Variants in MTHFD2L observed in about 807,000 individuals in gnomAD.
MTHFD2L encodes the protein methylenetetrahydrofolate dehydrogenase (NADP+ dependent) 2 like, also known as bifunctional methylenetetrahydrofolate dehydrogenase/cyclohydrolase 2, mitochondrial.
Under a neutral mutation model 34.9 loss-of-function variants are expected in MTHFD2L, and 29 were observed. That is an observed-to-expected ratio of 0.83 (90% CI 0.62 to 1.13). The LOEUF (loss-of-function observed/expected upper bound fraction) is 1.13, where lower values mean the gene tolerates loss of function less well. Among genes scored for constraint, MTHFD2L ranks in the 50% most tolerant of loss-of-function variants. The pLI is 0.00. For missense variants in MTHFD2L, 481 were observed against 446.5 expected (o/e 1.08, Z -0.70); for synonymous variants, 167 against 155.7 (o/e 1.07, Z -0.54).
chr4:74,117,422 G>C (rs1721673655), intron 2 of MTHFD2L, among the ~76,000 whole-genome samples: 1 of 152,186 alleles, frequency 6.6e-6, no homozygotes, highest in African/African-American at 2.4e-5. Context: ...GGGTTTTCAG[G>C]CTGCAGGGTA....
At chr4:74,151,493 A>G (rs1723939184) in intron 1 of MTHFD2L, among the ~76,000 whole-genome samples, 1 of 152,188 alleles carries the variant, frequency 6.6e-6, no homozygotes, top group African/African-American at 2.4e-5. Context: ...GTTTCACACT[A>G]CCTGAGACTT....
intron 3 of MTHFD2L, among the ~76,000 whole-genome samples, chr4:74,177,297 A>C (rs1188456104): frequency 1.3e-5 from 2 of 151,984 alleles, no homozygotes; most frequent in African/African-American, 4.8e-5. Flanking sequence ...ACTCACTCAC[A>C]ATGAATCTCC....
At chr4:74,124,066 G>A (rs1486610050), upstream of MTHFD2L, among the ~76,000 whole-genome samples, 2 of 151,918 alleles carry the variant, frequency 1.3e-5, no homozygotes, top group Non-Finnish European at 2.9e-5. Flanking sequence ...GGGCACAGTT[G>A]GTTAATATTG....
chr4:74,255,136 C>CAAAAAAAAAA (rs34300013), intron 6 of MTHFD2L, among the ~76,000 whole-genome samples: 4 of 69,180 alleles, frequency 5.8e-5, no homozygotes, highest in Non-Finnish European at 7.3e-5. Flanking sequence ...ACTCCATCTC[C>CAAAAAAAAAA]AAAAAAAAAA....
At chr4:74,205,580 T>G (rs752423104) in intron 5 of MTHFD2L, among the ~76,000 whole-genome samples, 2 of 152,204 alleles carry the variant, frequency 1.3e-5, no homozygotes, top group Non-Finnish European at 2.9e-5. Flanking sequence ...TAGCTGTTTC[T>G]TGAGTATTTT....
chr4:74,211,892 C>A (rs1315987043), intron 5 of MTHFD2L, among the ~76,000 whole-genome samples: 1 of 151,892 alleles, frequency 6.6e-6, no homozygotes, highest in Non-Finnish European at 1.5e-5. Context: ...AGGGATTTGG[C>A]TTCTTCCTGG....
chr4:74,276,784 G>A lies in MTHFD2L; in HGVS notation c.806-4641G>A, dbSNP rs554437538. ...AAGTAGACTACTTAGTGTATTTAGCGTAACTAAAATAGAGATTTTGTATGT... is the reference window on the plus strand; with the variant it reads ...AAGTAGACTACTTAGTGTATTTAGCATAACTAAAATAGAGATTTTGTATGT... On this transcript the variant is annotated intron_variant, in intron 6 of 7. Transcript: ENST00000325278. Among the ~76,000 whole-genome samples the A allele has an allele frequency of 1.6e-4, 24 of 152,108 alleles. No individual in the cohort carries two copies. In the East Asian group the frequency reaches 1.9e-3, roughly 12 times the overall value.
chr4:74,247,251 G>T (rs1319000332), intron 6 of MTHFD2L, among the ~76,000 whole-genome samples: 1 of 151,724 alleles, frequency 6.6e-6, no homozygotes, highest in South Asian at 2.1e-4. Flanking sequence ...ATTGTGAATG[G>T]GAGTTCACTC....
At chr4:74,301,459 G>T (rs915374897) in intron 7 of MTHFD2L, among the ~76,000 whole-genome samples, 1 of 151,844 alleles carries the variant, frequency 6.6e-6, no homozygotes, top group Non-Finnish European at 1.5e-5. Context: ...TTGAACCTAG[G>T]TGTCGGTCCA....
In MTHFD2L at chr4:74,301,745, G is replaced by T; in HGVS notation, c.980G>T (p.Gly327Val). Residue 327 changes from glycine to valine, a missense_variant, in exon 8 of 8, where the codon GGA becomes GTA. Transcript: ENST00000325278. ...GFITPVPGGV[G>V]PMTVAMLLKN... ...ATCACTCCAGTTCCAGGAGGTGTGGGACCCATGACAGTGGCAATGCTTCTG... is the reference window on the plus strand; with the variant it reads ...ATCACTCCAGTTCCAGGAGGTGTGGTACCCATGACAGTGGCAATGCTTCTG... The T allele has an allele frequency of 6.2e-7, 1 of 1,607,840 alleles. No homozygotes were observed. The highest frequency in any genetic ancestry group is 8.5e-7 in the Non-Finnish European group (1 of 1,176,720).
At chr4:74,151,275 T>G (rs1723924719) in intron 1 of MTHFD2L, among the ~76,000 whole-genome samples, 1 of 152,146 alleles carries the variant, frequency 6.6e-6, no homozygotes, top group Non-Finnish European at 1.5e-5. Context: ...TTCAATAGAA[T>G]CCACCATTCA....
Position 74,165,229 on chromosome 4 carries a change from T to C in MTHFD2L, c.143+6948T>C, listed in dbSNP as rs1726422141. On this transcript the variant is annotated intron_variant, in intron 1 of 7. Transcript: ENST00000325278. Reference sequence around the variant, plus strand: ...ATCCTTATGTGTTAAAATAAAAATTTATATTACATGAACATTCAGCATGAA... The same window carrying C: ...ATCCTTATGTGTTAAAATAAAAATTCATATTACATGAACATTCAGCATGAA... The C allele has an allele frequency of 2.6e-5, 4 of 153,252 alleles. No homozygotes were observed. In the Admixed American group the frequency reaches 2.6e-4, roughly 10 times the overall value. 9.5% of individuals were successfully genotyped at this position (153,252 alleles called of 1,614,324 possible). A position where few individuals can be genotyped will look rare whatever the true frequency, so the allele number is the denominator to read the frequency against.
chr4:74,188,176 A>G (rs1198184651), intron 3 of MTHFD2L, among the ~76,000 whole-genome samples: 1 of 152,354 alleles, frequency 6.6e-6, no homozygotes, highest in Non-Finnish European at 1.5e-5. Flanking sequence ...AATTGACAGC[A>G]TATCCGTGGT....
chr4:74,120,281 A>C (rs927438064), upstream of MTHFD2L, among the ~76,000 whole-genome samples: 6 of 152,218 alleles, frequency 3.9e-5, no homozygotes, highest in Non-Finnish European at 8.8e-5. Context: ...ACAGAGAGTT[A>C]ATGAGCCACC....
Position 74,174,607 on chromosome 4 carries a change from C to T in MTHFD2L, c.245C>T (p.Pro82Leu), listed in dbSNP as rs781519930. The change falls in exon 2 of 8, where the codon CCT becomes CTT. Residue 82 changes from proline to leucine, a missense_variant. By Grantham distance (98) the Pro-to-Leu change is moderately conservative. Transcript: ENST00000325278. ...ESWVSLGNRR[P>L]HLSIILVGDN... ...TGGGTTTCCCTTGGAAACAGAAGACCTCACCTCAGTATAATTTTAGTGGGA... is the reference window on the plus strand; with the variant it reads ...TGGGTTTCCCTTGGAAACAGAAGACTTCACCTCAGTATAATTTTAGTGGGA... The T allele has an allele frequency of 6.2e-7, 1 of 1,606,472 alleles. No homozygotes were observed. The highest frequency in any genetic ancestry group is 1.1e-5 in the South Asian group (1 of 89,896).
chr4:74,179,716 A>G (rs1312527133), intron 3 of MTHFD2L, among the ~76,000 whole-genome samples: 5 of 152,128 alleles, frequency 3.3e-5, no homozygotes, highest in African/African-American at 1.2e-4. Context: ...AGAAAATTGT[A>G]AAACAATGCA....
chr4:74,158,354 C>T (rs1724628965), intron 1 of MTHFD2L, 73 bp downstream of exon 1: 1 of 1,099,018 alleles, frequency 9.1e-7, no homozygotes, highest in East Asian at 5.0e-5. Context: ...GCGGCGCTCG[C>T]GCGCGTGGGG....
intron 5 of MTHFD2L, among the ~76,000 whole-genome samples, chr4:74,207,554 A>G (rs996339235): frequency 1.3e-5 from 2 of 152,170 alleles, no homozygotes; most frequent in Admixed American, 6.6e-5. Flanking sequence ...AGTCTGAATC[A>G]TCAGGATTCA....
At chr4:74,244,772 CTA>C (rs1395993877) in intron 6 of MTHFD2L, among the ~76,000 whole-genome samples, 1 of 152,120 alleles carries the variant, frequency 6.6e-6, no homozygotes, top group Non-Finnish European at 1.5e-5. Context: ...GTTTAAGAAA[CTA>C]TCACTTGTCA....
Sources: gnomAD v4.1 joint callset for allele counts (sites outside exome capture counted in the v4.1 genomes callset) on GRCh38, gnomAD v4.1.1 for gene constraint, MANE v1.5 for transcripts, NCBI Gene and HGNC (gene_info 2026-07-23, HGNC 2026-07-21) for gene names.